NEK6: variants seen among roughly 807,000 people sequenced by gnomAD.
The protein encoded by NEK6 is NIMA related kinase 6, also known as serine/threonine-protein kinase Nek6.
Under a neutral mutation model 43.5 loss-of-function variants are expected in NEK6, and 27 were observed. The ratio of observed to expected loss-of-function variants is 0.62; its 90% CI spans 0.46 to 0.86. The LOEUF (loss-of-function observed/expected upper bound fraction) is 0.86. Among genes scored for constraint, NEK6 ranks in the 40% least tolerant of loss-of-function variants. NEK6 has a pLI of 0.00. For synonymous variants in NEK6, 167 were observed against 164.1 expected (o/e 1.02, Z -0.14); for missense variants, 318 against 414.4 (o/e 0.77, Z 2.02).
At position 124,321,497 on chromosome 9, in the gene NEK6, G is replaced by A. The variant is rs186179243; in HGVS notation, c.333G>A (p.Ser111=). Residue 111 remains serine (S), a synonymous_variant, in exon 5 of 10, where the codon TCG becomes TCA. Transcript: ENST00000320246. ...CAAATATCATCAAGTATTTGGACTC[G>A]TTTATCGAAGACAACGAGCTGAACA... ...NHPNIIKYLD[S]FIEDNELNIV... 2.1e-4 allele frequency: 345 copies of A among 1,614,050 alleles called. No homozygotes were observed. The highest frequency in any genetic ancestry group is 6.5e-4 in the Admixed American group (39 of 60,016).
At chr9:124,315,448 G>A (rs371975706) in intron 4 of NEK6, among the ~76,000 whole-genome samples, 6 of 152,216 alleles carry the variant, frequency 3.9e-5, no homozygotes, top group African/African-American at 9.7e-5. Context: ...GGTGGCCCCC[G>A]GCCACAGTGG....
In NEK6 at chr9:124,327,328, C is replaced by T. The variant is rs769302117; in HGVS notation, c.515-10C>T. 8.7e-6 allele frequency: 14 copies of T among 1,612,346 alleles called. No homozygotes were observed. Among genetic ancestry groups the T allele is most frequent in the South Asian group, 5.5e-5 (5 of 91,036 alleles). ...TACCCCACACCAATCTCCTTCTCCTCGCCCTGCAGACATCAAGCCTGCCAA... is the reference window on the plus strand; with the variant it reads ...TACCCCACACCAATCTCCTTCTCCTTGCCCTGCAGACATCAAGCCTGCCAA... On this transcript the variant is annotated splice_polypyrimidine_tract_variant and intron_variant, in intron 6 of 9. Coordinates refer to ENST00000320246, the MANE Select transcript of NEK6 (RefSeq NM_014397.6).
At position 124,301,937 on chromosome 9, in the gene NEK6, T is replaced by A. The variant is rs1266774656; in HGVS notation, c.-28T>A. ...ACAGGCCGCTGTTTTCTGTTGCAGT[T>A]CGTGCCCTCGTGAGGCTGGCATGCA... On this transcript the variant is annotated splice_region_variant and 5_prime_UTR_variant, in exon 2 of 10. Coordinates refer to ENST00000320246, the MANE Select transcript of NEK6 (RefSeq NM_014397.6). The A allele has an allele frequency of 1.3e-6, 2 of 1,572,624 alleles. No homozygotes were observed. Among genetic ancestry groups the A allele is most frequent in the African/African-American group, 1.3e-5 (1 of 74,074 alleles).
chr9:124,325,174 CA>C (rs957848260), intron 5 of NEK6, among the ~76,000 whole-genome samples: 55 of 143,820 alleles, frequency 3.8e-4, no homozygotes, highest in Middle Eastern at 3.6e-3. Context: ...GACTCCATCT[CA>C]AAAAAAAAAA....
intron 1 of NEK6, among the ~76,000 whole-genome samples, chr9:124,263,224 A>G (rs1341805135): frequency 2.0e-5 from 3 of 152,202 alleles, no homozygotes; most frequent in Admixed American, 2.0e-4. Flanking sequence ...GCACACACCC[A>G]CTGGGGTTGA....
chr9:124,312,988 G>A (rs866613850), intron 3 of NEK6, among the ~76,000 whole-genome samples: 1 of 152,024 alleles, frequency 6.6e-6, no homozygotes, highest in Non-Finnish European at 1.5e-5. Context: ...CATGAGTCTT[G>A]GGGGAGCTGA....
At chr9:124,321,613 TGGA>T in intron 5 of NEK6, 44 bp downstream of exon 5, 1 of 1,270,850 alleles carries the variant, frequency 7.9e-7, no homozygotes, top group East Asian at 2.3e-5. Flanking sequence ...TGCGCAGATC[TGGA>T]GCCAAAGGTG....
At chr9:124,339,123 G>T (rs1459859364) in intron 7 of NEK6, among the ~76,000 whole-genome samples, 2 of 144,210 alleles carry the variant, frequency 1.4e-5, no homozygotes, top group African/African-American at 5.1e-5. Flanking sequence ...CCGCCTCCCT[G>T]GTTTAAGTGA....
intron 7 of NEK6, among the ~76,000 whole-genome samples, chr9:124,338,940 C>T (rs1320640834): frequency 3.2e-4 from 1 of 3,134 alleles, no homozygotes; most frequent in African/African-American, 8.1e-4. Context: ...GTTGCTTCCC[C>T]CAGCCGGGCC....
chr9:124,342,112 G>A (rs1199456599), intron 8 of NEK6, among the ~76,000 whole-genome samples: 2 of 152,140 alleles, frequency 1.3e-5, no homozygotes, highest in East Asian at 1.9e-4. Flanking sequence ...GTAGAGTCAC[G>A]CCCATGTCAC....
intron 1 of NEK6, among the ~76,000 whole-genome samples, chr9:124,291,250 C>T (rs1307778707): frequency 6.6e-6 from 1 of 152,180 alleles, no homozygotes; most frequent in Non-Finnish European, 1.5e-5. Context: ...AGGACTGCCG[C>T]CTGCCAGGGC....
At chr9:124,306,360 T>C (rs1003605036) in intron 2 of NEK6, among the ~76,000 whole-genome samples, 1 of 152,160 alleles carries the variant, frequency 6.6e-6, no homozygotes, top group African/African-American at 2.4e-5. Context: ...GGAACCATAA[T>C]GATTTAGATC....
intron 1 of NEK6, chr9:124,292,124 C>T (rs1215932247): frequency 7.2e-6 from 8 of 1,106,536 alleles, no homozygotes; most frequent in Admixed American, 4.7e-5. Flanking sequence ...CTGTGGGAAC[C>T]GCTTGCTCTT....
intron 8 of NEK6, among the ~76,000 whole-genome samples, chr9:124,339,874 A>C (rs912354): frequency 1.3e-5 from 2 of 152,152 alleles, no homozygotes; most frequent in Non-Finnish European, 2.9e-5. Flanking sequence ...AGGCTGTTAG[A>C]GGGTGGACAG....
intron 2 of NEK6, among the ~76,000 whole-genome samples, chr9:124,309,156 G>A (rs1833412148): frequency 6.6e-6 from 1 of 152,318 alleles, no homozygotes; most frequent in South Asian, 2.1e-4. Context: ...TGGGAGTGCA[G>A]TGGTGCCCCA....
chr9:124,284,120 G>A lies in NEK6; in HGVS notation c.-29-17816G>A, dbSNP rs563769455. On this transcript the variant is annotated intron_variant, in intron 1 of 9. Coordinates refer to ENST00000320246, the MANE Select transcript of NEK6 (RefSeq NM_014397.6). ...TCCCAGCACTTTGGGAGGCTGAGGC[G>A]GGAGGATCACCTGAGGTTGGGAATT... Among the ~76,000 whole-genome samples, 34 of 152,342 alleles carry A rather than the reference G, an allele frequency of 2.2e-4. 1 individual carries two copies. In the South Asian group the frequency reaches 3.3e-3, roughly 15 times the overall value.
At chr9:124,312,709 C>CG (rs1299573086) in intron 3 of NEK6, 60 bp downstream of exon 3, 8 of 1,544,240 alleles carry the variant, frequency 5.2e-6, no homozygotes, top group African/African-American at 1.4e-5. Context: ...TGCATCTGGA[C>CG]GGGGTGCCCG....
intron 2 of NEK6, among the ~76,000 whole-genome samples, chr9:124,304,293 G>T (rs528922861): frequency 6.6e-6 from 1 of 152,204 alleles, no homozygotes; most frequent in Non-Finnish European, 1.5e-5. Flanking sequence ...GAATTAATGG[G>T]CCAGGCATTT....
chr9:124,321,430 C>T (rs1174248014), intron 4 of NEK6, 29 bp from the exon 5 acceptor site: 2 of 1,413,444 alleles, frequency 1.4e-6, no homozygotes, highest in Non-Finnish European at 2.0e-6. Context: ...TCACTTGGTG[C>T]CCCCTTCCCT....
Sources: allele counts gnomAD v4.1 joint callset (sites outside exome capture counted in the v4.1 genomes callset), GRCh38; gene constraint gnomAD v4.1.1; transcripts MANE v1.5; gene names NCBI Gene and HGNC (gene_info 2026-07-23, HGNC 2026-07-21).